The following ATAD2B variants were observed in gnomAD, a reference collection of about 807,000 sequenced individuals.
ATAD2B encodes the protein ATPase family AAA domain containing 2B.
Under a neutral mutation model 167.6 loss-of-function variants are expected in ATAD2B, and 40 were observed. That is an observed-to-expected ratio of 0.24 (90% CI 0.19 to 0.31). The LOEUF is 0.31. Among genes scored for constraint, ATAD2B ranks in the 10% least tolerant of loss-of-function variants. ATAD2B has a pLI of 1.00. For missense variants in ATAD2B, 1,242 were observed against 1,757.2 expected (o/e 0.71, Z 5.24); for synonymous variants, 579 against 596.5 (o/e 0.97, Z 0.43).
At chr2:23,875,235 C>T (rs1471764374) in intron 8 of ATAD2B, among the ~76,000 whole-genome samples, 4 of 151,654 alleles carry the variant, frequency 2.6e-5, no homozygotes, top group African/African-American at 9.7e-5. Context: ...GGCGCCATGA[C>T]TCACGCCTGT....
chr2:23,738,758 T>C, the ATAD2B span, among the ~76,000 whole-genome samples: 23 of 152,238 alleles, frequency 1.5e-4, no homozygotes, highest in East Asian at 7.7e-4. Flanking sequence ...GACTGGCAAA[T>C]TGGATAAAGA....
chr2:23,875,055 C>CAAAA (rs66995474), intron 8 of ATAD2B, among the ~76,000 whole-genome samples: 155 of 127,278 alleles, frequency 1.2e-3, no homozygotes, highest in African/African-American at 2.8e-3. Context: ...GATTCCATCT[C>CAAAA]AAAAAAAAAA....
At chr2:23,681,683 C>T in the ATAD2B span, among the ~76,000 whole-genome samples, 5 of 152,128 alleles carry the variant, frequency 3.3e-5, no homozygotes, top group African/African-American at 1.2e-4. This position sits in a 1 kb window ranked among gnomAD's most constrained non-coding sequence, Gnocchi z 4.2. Flanking sequence ...GGGGTGCTGG[C>T]CCAGGGTCAC....
intron 2 of ATAD2B, among the ~76,000 whole-genome samples, chr2:23,894,271 C>T (rs1361546129): frequency 1.3e-5 from 2 of 151,702 alleles, no homozygotes; most frequent in Middle Eastern, 3.2e-3. Flanking sequence ...CACCTGAGGT[C>T]CAGAGTTCAA....
chr2:23,912,475 C>T (rs530996795), intron 1 of ATAD2B, among the ~76,000 whole-genome samples: 38 of 151,736 alleles, frequency 2.5e-4, no homozygotes, highest in African/African-American at 9.2e-4. Flanking sequence ...CCACTGTACT[C>T]CAGCTTGAGT....
At chr2:23,698,634 C>T in the ATAD2B span, among the ~76,000 whole-genome samples, 8 of 152,098 alleles carry the variant, frequency 5.3e-5, no homozygotes, top group Admixed American at 1.3e-4. Context: ...AAGACAACAG[C>T]ACAATAGACA....
chr2:23,800,545 T>A (rs912177362), intron 18 of ATAD2B, among the ~76,000 whole-genome samples: 8 of 152,156 alleles, frequency 5.3e-5, no homozygotes. Context: ...CATACAATCA[T>A]CACCAGCTCT....
chr2:23,712,855 T>C, the ATAD2B span, among the ~76,000 whole-genome samples: 3 of 152,294 alleles, frequency 2.0e-5, no homozygotes, highest in South Asian at 6.2e-4. Flanking sequence ...CTATGGAACA[T>C]ATGCAGGTCA....
chr2:23,727,497 G>A, the ATAD2B span, among the ~76,000 whole-genome samples: 1 of 152,154 alleles, frequency 6.6e-6, no homozygotes, highest in Non-Finnish European at 1.5e-5. Context: ...TTGGAAGACA[G>A]TTTGGCTCTT....
Position 23,805,806 on chromosome 2 carries a change from A to AAAAAC in ATAD2B, c.2454+4509_2454+4510insGTTTT, listed in dbSNP as rs1553396417. 8.9e-5 allele frequency among the ~76,000 whole-genome samples: 13 copies of AAAAAC among 145,772 alleles called. 1 individual carries two copies. The highest frequency in any genetic ancestry group is 2.2e-4 in the African/African-American group (9 of 40,002). Reference sequence around the variant, plus strand: ...GCATTATCAAGCTTTAAAAAAAAAAAAACAAATCTGATACTTTATTTTCAC... The same window carrying AAAAAC: ...GCATTATCAAGCTTTAAAAAAAAAAAAAAACAACAAATCTGATACTTTATTTTCAC... On this transcript the variant is annotated intron_variant, in intron 18 of 27. Coordinates refer to ENST00000238789, the MANE Select transcript of ATAD2B (RefSeq NM_017552.4).
the ATAD2B span, among the ~76,000 whole-genome samples, chr2:23,682,788 T>A: frequency 0.1 from 15,175 of 152,102 alleles, 865 homozygotes; most frequent in Middle Eastern, 0.17. This position sits in a 1 kb window ranked among gnomAD's most constrained non-coding sequence, Gnocchi z 4.1. Flanking sequence ...CCCACGTAGA[T>A]CCTTCCTGAA....
chr2:23,876,584 G>A (rs1193220027), intron 7 of ATAD2B, among the ~76,000 whole-genome samples: 1 of 152,182 alleles, frequency 6.6e-6, no homozygotes, highest in African/African-American at 2.4e-5. Context: ...ACAGGCGTGA[G>A]CCACTGTGCC....
At chr2:23,701,510 C>T in the ATAD2B span, among the ~76,000 whole-genome samples, 115 of 152,242 alleles carry the variant, frequency 7.6e-4, no homozygotes, top group Non-Finnish European at 1.2e-3. Context: ...CTCAGGAGTT[C>T]GAGACCAGCC....
At chr2:23,799,578 AAAAAAAAAAAAG>A (rs930375729) in intron 18 of ATAD2B, among the ~76,000 whole-genome samples, 8 of 150,176 alleles carry the variant, frequency 5.3e-5, no homozygotes, top group Admixed American at 4.0e-4. Flanking sequence ...CTCAAAAAAA[AAAAAAAAAAAAG>A]AAAAGAAAAA....
intron 1 of ATAD2B, among the ~76,000 whole-genome samples, chr2:23,926,033 C>T (rs1192529809): frequency 6.6e-6 from 1 of 152,170 alleles, no homozygotes; most frequent in Non-Finnish European, 1.5e-5. Context: ...CAGCTACAAA[C>T]TTTTTTCAGC....
chr2:23,686,390 C>T, the ATAD2B span, among the ~76,000 whole-genome samples: 7 of 152,052 alleles, frequency 4.6e-5, no homozygotes, highest in African/African-American at 1.7e-4. Flanking sequence ...CGCCTGACTC[C>T]GCCGCTTGTC....
the ATAD2B span, chr2:23,693,129 G>A: frequency 4.8e-5 from 47 of 976,144 alleles, 1 homozygote; most frequent in South Asian, 7.5e-4. Flanking sequence ...CCAGGAAGGG[G>A]GCCTGCAGGG....
intron 18 of ATAD2B, among the ~76,000 whole-genome samples, chr2:23,809,589 A>G (rs558411913): frequency 2.8e-4 from 43 of 152,168 alleles, no homozygotes; most frequent in Non-Finnish European, 6.0e-4. Context: ...CGAAGTACAA[A>G]GTGGCATTCC....
At chr2:23,701,279 C>T in the ATAD2B span, among the ~76,000 whole-genome samples, 16 of 152,270 alleles carry the variant, frequency 1.1e-4, no homozygotes, top group African/African-American at 3.1e-4. Flanking sequence ...AAGCCACTGT[C>T]GCATCTCACC....
Sources: gnomAD v4.1 joint callset for allele counts (sites outside exome capture counted in the v4.1 genomes callset) on GRCh38, gnomAD v4.1.1 for gene constraint, Gnocchi (gnomAD v3.1) non-coding constraint, MANE v1.5 for transcripts, NCBI Gene and HGNC (gene_info 2026-07-23, HGNC 2026-07-21) for gene names.